Variants in NCAPD3 observed in about 807,000 individuals in gnomAD.
The protein encoded by NCAPD3 is condensin-2 complex subunit D3.
A neutral mutation model predicts 182.9 loss-of-function variants in NCAPD3; 105 were observed. That is an observed-to-expected ratio of 0.57 (90% CI 0.49 to 0.68). NCAPD3 has a LOEUF of 0.68. Among genes scored for constraint, NCAPD3 ranks in the 30% least tolerant of loss-of-function variants. NCAPD3 has a pLI of 0.00. For missense variants in NCAPD3, 1,944 were observed against 1,837.0 expected (o/e 1.06, Z -1.07); for synonymous variants, 815 against 679.9 (o/e 1.20, Z -3.09).
At chr11:134,168,667 A>C in intron 25 of NCAPD3, 65 bp from the exon 26 acceptor site, 2 of 1,594,358 alleles carry the variant, frequency 1.3e-6, no homozygotes, top group Non-Finnish European at 1.7e-6. Context: ...TTAACACTGC[A>C]CTTTAACTGC....
intron 16 of NCAPD3, 71 bp from the exon 17 acceptor site, chr11:134,185,597 A>C: frequency 7.8e-7 from 1 of 1,282,406 alleles, no homozygotes; most frequent in African/African-American, 1.5e-5. Flanking sequence ...TGGGAGCCTC[A>C]CTGAAAGGGT....
chr11:134,157,234 C>T (rs1240203170), intron 31 of NCAPD3, 139 bp from the exon 32 acceptor site: 1 of 580,350 alleles, frequency 1.7e-6, no homozygotes, highest in African/African-American at 1.9e-5. Context: ...AGAGGCAATT[C>T]AGGAAGAAAT....
intron 24 of NCAPD3, among the ~76,000 whole-genome samples, chr11:134,174,740 C>G (rs1215519233): frequency 1.3e-5 from 2 of 152,112 alleles, no homozygotes; most frequent in Non-Finnish European, 2.9e-5. Context: ...TTTGAAAGTT[C>G]CTGACACAAA....
Position 134,153,027 on chromosome 11 carries a change from C to T in NCAPD3, c.4414G>A (p.Val1472Met), listed in dbSNP as rs759956651. 2 of 1,597,228 alleles carry T rather than the reference C, an allele frequency of 1.3e-6. No homozygotes were observed. The highest frequency in any genetic ancestry group is 1.3e-5 in the African/African-American group (1 of 74,396). Residue 1472 changes from valine to methionine, a missense_variant, in exon 35 of 35, where the codon GTG (valine) becomes ATG (methionine). By Grantham distance (21) the Val-to-Met change is conservative (BLOSUM62 1). Coordinates refer to ENST00000534548, the MANE Select transcript of NCAPD3 (RefSeq NM_015261.3). The part of the protein sequence containing the change: ...KPPPQPQQWN[V>M]RSPARNKDTP... ...TCTTTATTCCTGGCGGGAGACCGCACATTCCACTGCTGAGGCTGTGGGGGC... is the reference window on the plus strand; with the variant it reads ...TCTTTATTCCTGGCGGGAGACCGCATATTCCACTGCTGAGGCTGTGGGGGC...
intron 27 of NCAPD3, among the ~76,000 whole-genome samples, chr11:134,165,650 C>T (rs191594625): frequency 5.0e-5 from 7 of 140,844 alleles, no homozygotes; most frequent in African/African-American, 8.1e-5. Flanking sequence ...GGCCCACACT[C>T]GTGAGATGAG....
rs749026937 is a variant in NCAPD3 at position 134,176,359 on chromosome 11, G to A, written c.3049C>T (p.Leu1017=). Residue 1017 remains leucine (L), a synonymous_variant, in exon 24 of 35, where the codon CTG becomes TTG. Transcript: ENST00000534548. The part of the protein sequence containing the change: ...QEEFVKWKGS[L]FFRFVSTLID... Reference sequence around the variant, plus strand: ...AGAGTGCTGACAAATCGGAAGAACAGGGAGCCCTTCCATTTCACAAATTCC... The same window carrying A: ...AGAGTGCTGACAAATCGGAAGAACAAGGAGCCCTTCCATTTCACAAATTCC... 6.2e-7 allele frequency: 1 copy of A among 1,614,070 alleles called. No homozygotes were observed. Among genetic ancestry groups the A allele is most frequent in the Non-Finnish European group, 8.5e-7 (1 of 1,179,954 alleles).
chr11:134,174,382 C>CAAAAAAAAAAAAAAAA (rs34533048), intron 24 of NCAPD3, among the ~76,000 whole-genome samples: 40 of 53,602 alleles, frequency 7.5e-4, no homozygotes, highest in South Asian at 1.7e-3. Flanking sequence ...GACCCTGTCT[C>CAAAAAAAAAAAAAAAA]AAAAAAAAAA....
At position 134,167,942 on chromosome 11, in the gene NCAPD3, G is replaced by A. The variant is rs1943904580; in HGVS notation, c.3573+54C>T. On this transcript the variant is annotated intron_variant, in intron 27 of 34. Coordinates refer to ENST00000534548, the MANE Select transcript of NCAPD3 (RefSeq NM_015261.3). ...GTGCACACTCGTGAGATGAGCTTAG[G>A]GGAGCAGCACACTCACTTGTGAGAA... 9 of 1,542,978 alleles carry A rather than the reference G, an allele frequency of 5.8e-6. No individual in the cohort carries two copies. The Middle Eastern group carries it at 5.2e-4, about 89-fold the overall frequency.
rs2136012887 is a variant in NCAPD3 at position 134,204,798 on chromosome 11, C to T, written c.1089+101G>A. 1.1e-6 allele frequency: 1 copy of T among 916,152 alleles called. No individual in the cohort carries two copies. The highest frequency in any genetic ancestry group is 1.7e-6 in the Non-Finnish European group (1 of 597,350). The allele number at this position is 916,152 out of a possible 1,614,324, so 56.8% of individuals were successfully genotyped here. On this transcript the variant is annotated intron_variant, in intron 9 of 34. Transcript: ENST00000534548. The surrounding 1 kb of genome is among the most constrained non-coding windows in gnomAD (Gnocchi z 4.3). ...ACCACTTTAAGTAACAATGCACACT[C>T]ATTCCCAAGAACAAATACCCACACT... is the stretch of plus-strand genomic sequence containing the variant.
intron 1 of NCAPD3, among the ~76,000 whole-genome samples, chr11:134,221,396 T>TA (rs1407795421): frequency 1.3e-5 from 2 of 152,100 alleles, no homozygotes; most frequent in Non-Finnish European, 2.9e-5. Context: ...TTTTTTAACT[T>TA]AAAGTTTTTG....
At chr11:134,155,293 A>G (rs1943389270) in intron 32 of NCAPD3, among the ~76,000 whole-genome samples, 1 of 152,106 alleles carries the variant, frequency 6.6e-6, no homozygotes, top group African/African-American at 2.4e-5. Flanking sequence ...AGTCTCCCCC[A>G]CCTAAACTAA....
At chr11:134,209,918 T>C (rs936499047) in intron 4 of NCAPD3, among the ~76,000 whole-genome samples, 15 of 152,072 alleles carry the variant, frequency 9.9e-5, no homozygotes, top group Non-Finnish European at 1.9e-4. Flanking sequence ...TGGCTGAGTG[T>C]GGTGGCGCAT....
Position 134,185,456 on chromosome 11 carries a change from C to T in NCAPD3, c.2116G>A (p.Val706Ile). ...EKFSPTFINN[V>I]ISHTGTEHSA... Reference sequence around the variant, plus strand: ...TGTTCCGTGCCAGTGTGAGATATTACATTGTTTATAAAAGTGGGTGAGAAT... The same window carrying T: ...TGTTCCGTGCCAGTGTGAGATATTATATTGTTTATAAAAGTGGGTGAGAAT... The change falls in exon 17 of 35, where the codon GTA becomes ATA. Residue 706 changes from valine (V) to isoleucine (I), a missense_variant. Transcript: ENST00000534548. 1.2e-6 allele frequency: 2 copies of T among 1,613,676 alleles called. No individual in the cohort carries two copies. The highest frequency in any genetic ancestry group is 1.7e-6 in the Non-Finnish European group (2 of 1,179,832).
intron 32 of NCAPD3, 52 bp downstream of exon 32, chr11:134,156,966 C>A: frequency 1.4e-6 from 2 of 1,468,814 alleles, no homozygotes; most frequent in Admixed American, 1.8e-5. Flanking sequence ...AAACACATCA[C>A]GAATGCAGGA....
chr11:134,178,248 G>A (rs10894782), intron 22 of NCAPD3, among the ~76,000 whole-genome samples: 1 of 151,800 alleles, frequency 6.6e-6, no homozygotes, highest in Non-Finnish European at 1.5e-5. Flanking sequence ...TGCAGTGCCC[G>A]GCACAGAACA....
At chr11:134,220,510 T>C in intron 2 of NCAPD3, 62 bp downstream of exon 2, 1 of 1,494,626 alleles carries the variant, frequency 6.7e-7, no homozygotes, top group Middle Eastern at 1.8e-4. Context: ...CAGATTATAA[T>C]AATGACTTTC....
chr11:134,170,960 A>T (rs566480874), intron 24 of NCAPD3, among the ~76,000 whole-genome samples: 5 of 152,332 alleles, frequency 3.3e-5, no homozygotes, highest in Non-Finnish European at 7.4e-5. Context: ...AAGCTTCCTA[A>T]TTGGAGAAGA....
chr11:134,155,613 T>C (rs1266557782), intron 32 of NCAPD3, among the ~76,000 whole-genome samples: 1 of 152,080 alleles, frequency 6.6e-6, no homozygotes, highest in Non-Finnish European at 1.5e-5. Context: ...CACGAGCTGC[T>C]AGGAAACAAC....
intron 27 of NCAPD3, among the ~76,000 whole-genome samples, chr11:134,162,568 CATTT>C (rs1422152772): frequency 6.6e-6 from 1 of 152,172 alleles, no homozygotes; most frequent in East Asian, 1.9e-4. Context: ...TTTTCCTTCT[CATTT>C]AAAGTCACTA....
Sources: allele counts gnomAD v4.1 joint callset (sites outside exome capture counted in the v4.1 genomes callset), GRCh38; gene constraint gnomAD v4.1.1; non-coding constraint Gnocchi (gnomAD v3.1); transcripts MANE v1.5; gene names NCBI Gene and HGNC (gene_info 2026-07-23, HGNC 2026-07-21).